The following KCNG3 variants were observed in gnomAD, a reference collection of about 807,000 sequenced individuals.
KCNG3 encodes voltage-gated potassium channel regulatory subunit KCNG3.
KCNG3 carries 15 observed loss-of-function variants against 29.0 expected under a neutral mutation model. The ratio of observed to expected loss-of-function variants is 0.52; its 90% confidence interval spans 0.35 to 0.80. The LOEUF (loss-of-function observed/expected upper bound fraction) is 0.80, where lower values mean the gene tolerates loss of function less well. Among genes scored for constraint, KCNG3 ranks in the 30% least tolerant of loss-of-function variants. The pLI is 0.01. For missense variants in KCNG3, 512 were observed against 605.7 expected, an observed-to-expected ratio of 0.85 and a Z score of 1.62; for synonymous variants, 322 against 248.9, an observed-to-expected ratio of 1.29 and a Z score of -2.76.
intron 1 of KCNG3, chr2:42,470,168 C>T (rs906819097): frequency 4.7e-5 from 20 of 421,304 alleles, no homozygotes; most frequent in African/African-American, 2.7e-4. Flanking sequence ...TCTGATAGAG[C>T]GTCAGATTCA....
At chr2:42,472,906 T>A (rs867915786) in intron 1 of KCNG3, among the ~76,000 whole-genome samples, 16,949 of 140,674 alleles carry the variant, frequency 0.12, 1,044 homozygotes, top group African/African-American at 0.2. Context: ...TATATATATT[T>A]TTTTTTTTTT....
intron 1 of KCNG3, among the ~76,000 whole-genome samples, chr2:42,446,927 G>A (rs916510161): frequency 6.6e-6 from 1 of 151,714 alleles, no homozygotes; most frequent in African/African-American, 2.4e-5. Flanking sequence ...TATAGCTTGA[G>A]CCCAGGAATT....
chr2:42,470,217 C>T, intron 1 of KCNG3: 1 of 419,242 alleles, frequency 2.4e-6, no homozygotes, highest in East Asian at 5.2e-5. Flanking sequence ...CGAGTCCTCC[C>T]TCCCAATTGG....
In KCNG3 at chr2:42,465,696, C is replaced by G. The variant is rs77844893; in HGVS notation, c.666-21117G>C. ...CCACTAAGAAAATAAATTGGCAAAC[C>G]AAAAAACTAGAGGAAAATATTCACA... On this transcript the variant is annotated intron_variant, in intron 1 of 1. Coordinates refer to ENST00000306078, the MANE Select transcript of KCNG3 (RefSeq NM_133329.6). Among the ~76,000 whole-genome samples, 403 of 151,968 alleles carry G rather than the reference C, an allele frequency of 2.7e-3. 6 individuals are homozygous for G. The highest frequency in any genetic ancestry group is 0.024 in the East Asian group (124 of 5,170).
At chr2:42,426,879 T>C in the KCNG3 span, among the ~76,000 whole-genome samples, 11 of 152,170 alleles carry the variant, frequency 7.2e-5, no homozygotes, top group Non-Finnish European at 1.0e-4. Context: ...CACACATACA[T>C]AGCAATTTAT....
downstream of KCNG3, among the ~76,000 whole-genome samples, chr2:42,440,123 T>C (rs950659428): frequency 6.6e-6 from 1 of 152,124 alleles, no homozygotes; most frequent in African/African-American, 2.4e-5. Context: ...GTTGCTAATA[T>C]TTGGATCGGA....
At chr2:42,492,491 C>G (rs1194425334) in intron 1 of KCNG3, among the ~76,000 whole-genome samples, 12 of 152,152 alleles carry the variant, frequency 7.9e-5, no homozygotes, top group Non-Finnish European at 1.5e-4. Context: ...ATTGTTGAAC[C>G]CTAACAATAA....
At position 42,466,651 on chromosome 2, in the gene KCNG3, C is replaced by T. The variant is rs571976689; in HGVS notation, c.666-22072G>A. Reference sequence around the variant, plus strand: ...GCATCTCCGGTCGTTATGCGACACACGACTGTGTACTGTTGGTGGGAGTAC... The same window carrying T: ...GCATCTCCGGTCGTTATGCGACACATGACTGTGTACTGTTGGTGGGAGTAC... On this transcript the variant is annotated intron_variant, in intron 1 of 1. Transcript: ENST00000306078. Among the ~76,000 whole-genome samples the T allele has an allele frequency of 1.1e-4, 16 of 152,002 alleles. No individual in the cohort carries two copies. The South Asian group carries it at 1.2e-3, about 12-fold the overall frequency.
In KCNG3 at chr2:42,443,849, G is replaced by C. The variant is rs1465717809; in HGVS notation, c.*85C>G. Reference sequence around the variant, plus strand: ...CCAAGATGATGACAATGCCACTGCAGTGCTCACCCAGCAAGAAACACATAA... The same window carrying C: ...CCAAGATGATGACAATGCCACTGCACTGCTCACCCAGCAAGAAACACATAA... On this transcript the variant is annotated 3_prime_UTR_variant, in exon 2 of 2. Coordinates refer to ENST00000306078, the MANE Select transcript of KCNG3 (RefSeq NM_133329.6). 6.1e-6 allele frequency: 8 copies of C among 1,308,214 alleles called. No individual in the cohort carries two copies. The highest frequency in any genetic ancestry group is 8.5e-6 in the Non-Finnish European group (8 of 940,966). The allele number at this position is 1,308,214 out of a possible 1,614,324, so 81.0% of individuals were successfully genotyped here.
At chr2:42,398,253 AAATAAATAAAT>A in the KCNG3 span, among the ~76,000 whole-genome samples, 3 of 129,650 alleles carry the variant, frequency 2.3e-5, no homozygotes, top group Admixed American at 7.4e-5. Context: ...ATAAATAAAT[AAATAAATAAAT>A]AAAATAAAAT....
rs766856372 is a variant in KCNG3 at position 42,493,491 on chromosome 2, C to T, written c.11G>A (p.Gly4Glu). ...CACCACCGAGGCCGCCCCGCTGCGC[C>T]CGAAGGTCATGGCTGGCCGCCCGGG... Reference protein sequence around the residue: MTFGRSGAASVVLN... With the variant: MTFERSGAASVVLN... The change falls in exon 1 of 2, where the codon GGG (glycine) becomes GAG (glutamate). Residue 4 changes from glycine to glutamate, a missense_variant. Coordinates refer to ENST00000306078, the MANE Select transcript of KCNG3 (RefSeq NM_133329.6). 2.9e-5 allele frequency: 41 copies of T among 1,410,160 alleles called. No homozygotes were observed. Among genetic ancestry groups the T allele is most frequent in the Non-Finnish European group, 3.7e-5 (40 of 1,090,022 alleles). 87.4% of individuals were successfully genotyped at this position (1,410,160 alleles called of 1,614,324 possible). A position where few individuals can be genotyped will look rare whatever the true frequency, so the allele number is the denominator to read the frequency against.
At chr2:42,431,859 GA>G in the KCNG3 span, among the ~76,000 whole-genome samples, 1 of 152,162 alleles carries the variant, frequency 6.6e-6, no homozygotes, top group African/African-American at 2.4e-5. Flanking sequence ...CCAACATGGC[GA>G]AACCCCATCA....
At chr2:42,405,145 G>C in the KCNG3 span, among the ~76,000 whole-genome samples, 1 of 152,220 alleles carries the variant, frequency 6.6e-6, no homozygotes, top group African/African-American at 2.4e-5. Flanking sequence ...CCTCGAAGGA[G>C]ATGGAAATAA....
intron 1 of KCNG3, among the ~76,000 whole-genome samples, chr2:42,471,089 C>T (rs1673273478): frequency 6.6e-6 from 1 of 151,648 alleles, no homozygotes; most frequent in Admixed American, 6.6e-5. Context: ...GGCTTCAAGG[C>T]TGCAGTGAGC....
chr2:42,439,691 G>A (rs1423416918), downstream of KCNG3, among the ~76,000 whole-genome samples: 1 of 150,768 alleles, frequency 6.6e-6, no homozygotes, highest in African/African-American at 2.4e-5. Context: ...TTGTCACCCA[G>A]GGTGGAGTGC....
chr2:42,458,538 C>T (rs1179901273), intron 1 of KCNG3, among the ~76,000 whole-genome samples: 1 of 152,236 alleles, frequency 6.6e-6, no homozygotes, highest in Admixed American at 6.5e-5. Flanking sequence ...AAGACAGGGG[C>T]TATCCATCAC....
At chr2:42,420,878 G>A in the KCNG3 span, among the ~76,000 whole-genome samples, 4 of 152,264 alleles carry the variant, frequency 2.6e-5, no homozygotes, top group South Asian at 8.3e-4. Flanking sequence ...TATCAGTTTA[G>A]ACATATTGAC....
chr2:42,473,560 G>A (rs955618008), intron 1 of KCNG3, among the ~76,000 whole-genome samples: 1 of 151,458 alleles, frequency 6.6e-6, no homozygotes, highest in Non-Finnish European at 1.5e-5. Context: ...ATGTTGGCCA[G>A]GCTGGTCTCG....
the KCNG3 span, among the ~76,000 whole-genome samples, chr2:42,435,777 C>T: frequency 6.6e-6 from 1 of 152,294 alleles, no homozygotes; most frequent in East Asian, 1.9e-4. Flanking sequence ...AAACCGGAAC[C>T]TTCACACATT....
Sources: allele counts gnomAD v4.1 joint callset (sites outside exome capture counted in the v4.1 genomes callset), GRCh38; gene constraint gnomAD v4.1.1; transcripts MANE v1.5; gene names NCBI Gene and HGNC (gene_info 2026-07-23, HGNC 2026-07-21).